XPC: variants seen among roughly 807,000 people sequenced by gnomAD.
The protein encoded by XPC is XPC complex subunit, DNA damage recognition and repair factor, also known as DNA repair protein complementing XP-C cells.
Under a neutral mutation model 95.8 loss-of-function variants are expected in XPC, and 76 were observed. The ratio of observed to expected loss-of-function variants is 0.79; its 90% CI spans 0.66 to 0.96. The LOEUF is 0.96. Ranked by LOEUF, XPC falls within the 40% of genes least tolerant of loss-of-function variation. The probability of loss-of-function intolerance (pLI) is 0.00; values close to 1 mark genes in which losing one functional copy is unlikely to be tolerated. For synonymous variants in XPC, 442 were observed against 442.1 expected (o/e 1.00, Z 0.00); for missense variants, 1,146 against 1,179.8 (o/e 0.97, Z 0.42).
chr3:14,172,736 T>C, intron 2 of XPC, 131 bp downstream of exon 2: 1 of 1,062,020 alleles, frequency 9.4e-7, no homozygotes, highest in Non-Finnish European at 1.3e-6. Context: ...CGGTCTGAGT[T>C]GTACCTAGAA....
intron 9 of XPC, 113 bp from the exon 10 acceptor site, chr3:14,156,608 T>A: frequency 7.0e-7 from 1 of 1,438,794 alleles, no homozygotes; most frequent in African/African-American, 1.4e-5. Flanking sequence ...GAGCCAAGGT[T>A]TCATGAACAC....
chr3:14,146,665 G>C (rs1695450441), intron 15 of XPC, among the ~76,000 whole-genome samples: 1 of 152,168 alleles, frequency 6.6e-6, no homozygotes, highest in Non-Finnish European at 1.5e-5. Flanking sequence ...CTCCACCAGA[G>C]GGACTGGAAT....
chr3:14,147,826 A>G (rs1161186855), intron 14 of XPC, 82 bp downstream of exon 14: 35 of 1,264,598 alleles, frequency 2.8e-5, no homozygotes, highest in Non-Finnish European at 3.9e-5. Context: ...GAGCACACGG[A>G]GGCGGCCTGG....
rs1405275401 is a variant in XPC at position 14,158,715 on chromosome 3, T to C, written c.1168A>G (p.Arg390Gly). ...SAKGKRNKGG[R>G]KKRSKPSSSE... The stretch of plus-strand genomic sequence containing the variant: ...GAGGAGGGCTTGCTCCGTTTCTTTC[T>C]GCCTCCCTTGTTCCTCTTCCCTTTG... Residue 390 changes from arginine to glycine, a missense_variant, in exon 9 of 16, where the codon AGA becomes GGA. Arg to Gly is a moderately radical substitution (Grantham distance 125). Coordinates refer to ENST00000285021, the MANE Select transcript of XPC (RefSeq NM_004628.5). This position sits in a 1 kb window ranked among gnomAD's most constrained non-coding sequence, Gnocchi z 5.2. 1 of 1,613,814 alleles carries C rather than the reference T, an allele frequency of 6.2e-7. No individual in the cohort carries two copies. Among genetic ancestry groups the C allele is most frequent in the Non-Finnish European group, 8.5e-7 (1 of 1,179,884 alleles).
chr3:14,148,086 G>A lies in XPC; in HGVS notation c.2421-85C>T, dbSNP rs975057008. The A allele has an allele frequency of 7.5e-6, 9 of 1,202,182 alleles. No homozygotes were observed. The East Asian group carries it at 2.1e-4, about 28-fold the overall frequency. The allele number at this position is 1,202,182 out of a possible 1,614,324, so 74.5% of individuals were successfully genotyped here. ...CTCCCCAGTTTGTGGAAGACAGTGGGCCACATCTGAGCACTAGGGGTCCTG... is the reference window on the plus strand; with the variant it reads ...CTCCCCAGTTTGTGGAAGACAGTGGACCACATCTGAGCACTAGGGGTCCTG... On this transcript the variant is annotated intron_variant, in intron 13 of 15. Coordinates refer to ENST00000285021, the MANE Select transcript of XPC (RefSeq NM_004628.5).
At chr3:14,147,413 A>G in intron 14 of XPC, 34 bp from the exon 15 acceptor site, 1 of 1,563,316 alleles carries the variant, frequency 6.4e-7, no homozygotes, top group South Asian at 1.2e-5. Context: ...GAAAAGTGTT[A>G]AGCACTGACA....
Position 14,148,631 on chromosome 3 carries a change from C to T in XPC, c.2351G>A (p.Arg784His), listed in dbSNP as rs753463306. ...LNLPNLHRVARKLDIDCVQAI... is the reference protein window; with the variant it reads ...LNLPNLHRVAHKLDIDCVQAI... ...CTGGACACAGTCGATGTCCAGCTTGCGGGCCACGCGGTGTAGATTGGGCAG... is the reference window on the plus strand; with the variant it reads ...CTGGACACAGTCGATGTCCAGCTTGTGGGCCACGCGGTGTAGATTGGGCAG... Residue 784 changes from arginine to histidine, a missense_variant, in exon 13 of 16, where the codon CGC becomes CAC. Coordinates refer to ENST00000285021, the MANE Select transcript of XPC (RefSeq NM_004628.5). The T allele has an allele frequency of 8.7e-6, 14 of 1,613,902 alleles. No homozygotes were observed. Among genetic ancestry groups the T allele is most frequent in the Non-Finnish European group, 1.1e-5 (13 of 1,179,906 alleles).
chr3:14,164,942 A>G lies in XPC; in HGVS notation c.780-9T>C. 1 of 1,604,914 alleles carries G rather than the reference A, an allele frequency of 6.2e-7. No homozygotes were observed. The highest frequency in any genetic ancestry group is 8.5e-7 in the Non-Finnish European group (1 of 1,175,988). On this transcript the variant is annotated splice_polypyrimidine_tract_variant and intron_variant, in intron 6 of 15. Coordinates refer to ENST00000285021, the MANE Select transcript of XPC (RefSeq NM_004628.5). ...TAAATGTTCCAATGAACCTGGGGAG[A>G]AAGCAGGCATTCCTTGTGTCAGAGG...
chr3:14,159,623 G>C (rs926564668), intron 8 of XPC, 118 bp downstream of exon 8: 14 of 1,079,400 alleles, frequency 1.3e-5, no homozygotes, highest in Non-Finnish European at 1.9e-5. Flanking sequence ...TGCAAGGCTC[G>C]AAAGAACCCA....
Position 14,164,933 on chromosome 3 carries a change from CCTGGGGAG to C in XPC, c.780-8_780-1del. On this transcript the variant is annotated splice_acceptor_variant and splice_polypyrimidine_tract_variant and intron_variant, in intron 6 of 15. Coordinates refer to ENST00000285021, the MANE Select transcript of XPC (RefSeq NM_004628.5). LOFTEE classifies it high-confidence loss of function. ...CATTAACTGTAAATGTTCCAATGAA[CCTGGGGAG>C]AAAGCAGGCATTCCTTGTGTCAGAG... The C allele has an allele frequency of 6.2e-7, 1 of 1,606,864 alleles. No homozygotes were observed. Among genetic ancestry groups the C allele is most frequent in the Non-Finnish European group, 8.5e-7 (1 of 1,176,764 alleles).
chr3:14,165,454 G>A lies in XPC; in HGVS notation c.753C>T (p.Thr251=). ...ACTTCACCAGGTTTGAGAGGTAGTA[G>A]GTGTCCACATCTCGAGGCAGCACTC... The part of the protein sequence containing the change: ...FTRVLPRDVD[T]YYLSNLVKWF... The change falls in exon 6 of 16, where the codon ACC becomes ACT. Residue 251 remains threonine, a synonymous_variant. Coordinates refer to ENST00000285021, the MANE Select transcript of XPC (RefSeq NM_004628.5). 1 of 1,599,654 alleles carries A rather than the reference G, an allele frequency of 6.3e-7. No individual in the cohort carries two copies. The highest frequency in any genetic ancestry group is 1.7e-5 in the Admixed American group (1 of 57,858).
At chr3:14,168,880 C>T (rs1440051435) in intron 3 of XPC, among the ~76,000 whole-genome samples, 1 of 152,224 alleles carries the variant, frequency 6.6e-6, no homozygotes, top group African/African-American at 2.4e-5. Flanking sequence ...CTTTTCATCT[C>T]TTCACCCCCT....
chr3:14,177,185 C>T (rs1167785764), intron 1 of XPC, among the ~76,000 whole-genome samples: 2 of 151,942 alleles, frequency 1.3e-5, no homozygotes, highest in South Asian at 4.1e-4. Context: ...GAATATATTT[C>T]GGGAAAAAAA....
At position 14,145,778 on chromosome 3, in the gene XPC, G is replaced by T; in HGVS notation, c.*163C>A. 1 of 844,110 alleles carries T rather than the reference G, an allele frequency of 1.2e-6. No individual in the cohort carries two copies. The highest frequency in any genetic ancestry group is 1.9e-6 in the Non-Finnish European group (1 of 515,776). 52.3% of individuals were successfully genotyped at this position (844,110 alleles called of 1,614,324 possible). On this transcript the variant is annotated 3_prime_UTR_variant, in exon 16 of 16. Coordinates refer to ENST00000285021, the MANE Select transcript of XPC (RefSeq NM_004628.5). ...AGACGGGACCTGCAGCACCTCCTCA[G>T]CTTGGCCTCGTCTCCCCTGACCCCG...
In XPC at chr3:14,146,020, T is replaced by A; in HGVS notation, c.2744A>T (p.Lys915Met). 3 of 1,612,688 alleles carry A rather than the reference T, an allele frequency of 1.9e-6. No homozygotes were observed. Among genetic ancestry groups the A allele is most frequent in the Non-Finnish European group, 2.5e-6 (3 of 1,179,280 alleles). Reference sequence around the variant, plus strand: ...GGTCTTCTTGGGCCCACCCTTCAGCTTCTGCTTTTCTTCATCTTCTCGGTT... The same window carrying A: ...GGTCTTCTTGGGCCCACCCTTCAGCATCTGCTTTTCTTCATCTTCTCGGTT... ...PQNREDEEKQKLKGGPKKTKR... is the reference protein window; with the variant it reads ...PQNREDEEKQMLKGGPKKTKR... Residue 915 changes from lysine to methionine, a missense_variant, in exon 16 of 16, where the codon AAG becomes ATG. Coordinates refer to ENST00000285021, the MANE Select transcript of XPC (RefSeq NM_004628.5).
At chr3:14,154,562 G>A (rs1267444161) in intron 10 of XPC, among the ~76,000 whole-genome samples, 2 of 152,108 alleles carry the variant, frequency 1.3e-5, no homozygotes, top group Admixed American at 6.5e-5. Flanking sequence ...TATAAATACC[G>A]CATGATTCCA....
At chr3:14,162,325 C>T (rs1273492146) in intron 7 of XPC, among the ~76,000 whole-genome samples, 1 of 152,162 alleles carries the variant, frequency 6.6e-6, no homozygotes, top group Admixed American at 6.5e-5. Context: ...CCCCAGATAA[C>T]CAAAGCACAC....
chr3:14,159,000 T>C lies in XPC; in HGVS notation c.991-108A>G, dbSNP rs1476455773. On this transcript the variant is annotated intron_variant, in intron 8 of 15. Coordinates refer to ENST00000285021, the MANE Select transcript of XPC (RefSeq NM_004628.5). The surrounding 1 kb of genome is among the most constrained non-coding windows in gnomAD (Gnocchi z 5.2). ...GTTAAGTCACCAGCTAGAGAACCAA[T>C]ACATCAAGATGTCCCCAGCTCAGAC... 2.2e-6 allele frequency: 3 copies of C among 1,382,844 alleles called. No individual in the cohort carries two copies. The East Asian group carries it at 7.0e-5, about 32-fold the overall frequency. 85.7% of individuals were successfully genotyped at this position (1,382,844 alleles called of 1,614,324 possible).
chr3:14,148,449 T>G (rs1695537330), intron 13 of XPC, 113 bp downstream of exon 13: 1 of 1,414,052 alleles, frequency 7.1e-7, no homozygotes, highest in Non-Finnish European at 9.5e-7. Context: ...TCCTGAAAAT[T>G]GGAGCCACCA....
Sources: gnomAD v4.1 joint callset for allele counts (sites outside exome capture counted in the v4.1 genomes callset) on GRCh38, gnomAD v4.1.1 for gene constraint, Gnocchi (gnomAD v3.1) non-coding constraint, MANE v1.5 for transcripts, NCBI Gene and HGNC (gene_info 2026-07-23, HGNC 2026-07-21) for gene names.